The following NF1 variants were observed in gnomAD, a reference collection of about 807,000 sequenced individuals.
NF1 encodes neurofibromin 1, also known as neurofibromin.
NF1 carries 122 observed loss-of-function variants against 325.7 expected under a neutral mutation model. That is an observed-to-expected ratio of 0.37 (90% confidence interval 0.32 to 0.44). NF1 has a LOEUF of 0.44. Ranked by LOEUF, NF1 falls within the 20% of genes least tolerant of loss-of-function variation. NF1 has a pLI of 1.00. For missense variants in NF1, 2,140 were observed against 3,415.4 expected, an observed-to-expected ratio of 0.63 and a Z score of 9.31; for synonymous variants, 1,091 against 1,186.0, an observed-to-expected ratio of 0.92 and a Z score of 1.65.
chr17:31,302,999 A>G (rs945150895), intron 36 of NF1, among the ~76,000 whole-genome samples: 1 of 152,230 alleles, frequency 6.6e-6, no homozygotes, highest in Non-Finnish European at 1.5e-5. Context: ...GTCAGTAAAG[A>G]TGGCTTGAAA....
chr17:31,196,715 T>C (rs2143853792), intron 8 of NF1, among the ~76,000 whole-genome samples: 1 of 152,312 alleles, frequency 6.6e-6, no homozygotes, highest in East Asian at 1.9e-4. Flanking sequence ...AATTTTTGTA[T>C]ATGATGTAAG....
At chr17:31,154,742 T>C (rs939524463) in intron 1 of NF1, among the ~76,000 whole-genome samples, 261 of 147,366 alleles carry the variant, frequency 1.8e-3, no homozygotes, top group African/African-American at 6.1e-3. Flanking sequence ...CTTTTTTTTT[T>C]TTTTTTTTTT....
intron 4 of NF1, among the ~76,000 whole-genome samples, chr17:31,169,144 T>C (rs1422511008): frequency 1.3e-5 from 2 of 152,196 alleles, no homozygotes; most frequent in Non-Finnish European, 2.9e-5. Context: ...ATCCTCAGAT[T>C]ATCCCATTTT....
intron 1 of NF1, among the ~76,000 whole-genome samples, chr17:31,147,979 A>G (rs1027096345): frequency 3.3e-5 from 5 of 152,142 alleles, no homozygotes; most frequent in South Asian, 4.1e-4. Flanking sequence ...TTATTTCTCA[A>G]TCTGTTTTCC....
intron 4 of NF1, among the ~76,000 whole-genome samples, chr17:31,168,420 A>G (rs781580168): frequency 1.3e-5 from 2 of 152,186 alleles, no homozygotes; most frequent in Non-Finnish European, 2.9e-5. Flanking sequence ...TTTTTTCATT[A>G]TCTCAGAAAT....
At chr17:31,122,820 C>G (rs1378917217) in intron 1 of NF1, among the ~76,000 whole-genome samples, 1 of 152,130 alleles carries the variant, frequency 6.6e-6, no homozygotes, top group Non-Finnish European at 1.5e-5. Context: ...AGTGGGTCAT[C>G]TCAGTGTGAA....
At chr17:31,187,771 C>T (rs1271449586) in intron 8 of NF1, among the ~76,000 whole-genome samples, 1 of 152,158 alleles carries the variant, frequency 6.6e-6, no homozygotes, top group Non-Finnish European at 1.5e-5. Context: ...ACATTATGTT[C>T]TGCTGGCCTA....
chr17:31,329,968 G>A (rs527888093), intron 38 of NF1, among the ~76,000 whole-genome samples: 11 of 152,198 alleles, frequency 7.2e-5, no homozygotes, highest in African/African-American at 2.4e-4. Context: ...AATTTCTATT[G>A]ATCCACATTA....
At chr17:31,341,028 C>A (rs189873284) in intron 47 of NF1, among the ~76,000 whole-genome samples, 99 of 152,066 alleles carry the variant, frequency 6.5e-4, no homozygotes, top group Admixed American at 6.4e-3. Context: ...ATTTTCATAA[C>A]CTTAAGGTAA....
chr17:31,182,608 T>C lies in NF1; in HGVS notation c.831T>C (p.Cys277=), dbSNP rs2143786248. ...TACAAATCATTCTCCTTATCTTGTGTCCAGAAATAATCCAGGATATATCCA... is the reference window on the plus strand; with the variant it reads ...TACAAATCATTCTCCTTATCTTGTGCCCAGAAATAATCCAGGATATATCCA... ...WPLQIILLIL[C]PEIIQDISKD... is the part of the protein sequence containing the mutation. Residue 277 remains cysteine (C), a synonymous_variant, in exon 8 of 58, where the codon TGT becomes TGC. Transcript: ENST00000358273. 2 of 1,613,978 alleles carry C rather than the reference T, an allele frequency of 1.2e-6. No individual in the cohort carries two copies. The highest frequency in any genetic ancestry group is 1.3e-5 in the African/African-American group (1 of 75,038).
intron 1 of NF1, among the ~76,000 whole-genome samples, chr17:31,110,641 GAA>G (rs1205202570): frequency 6.6e-6 from 1 of 152,022 alleles, no homozygotes; most frequent in Non-Finnish European, 1.5e-5. Context: ...AGCAGACTCA[GAA>G]AATTGAAGTT....
At chr17:31,300,655 A>G (rs1836340954) in intron 36 of NF1, among the ~76,000 whole-genome samples, 1 of 152,116 alleles carries the variant, frequency 6.6e-6, no homozygotes, top group African/African-American at 2.4e-5. Context: ...TAAATCTTTG[A>G]AAAAGATTCC....
intron 25 of NF1, among the ~76,000 whole-genome samples, 161 bp from the exon 26 acceptor site, chr17:31,232,539 A>T (rs1390715629): frequency 2.0e-5 from 3 of 152,204 alleles, no homozygotes; most frequent in African/African-American, 7.2e-5. Context: ...AACATAGCAC[A>T]CTTCATAATA....
chr17:31,244,862 A>C (rs2067364478), intron 29 of NF1, among the ~76,000 whole-genome samples: 1 of 152,166 alleles, frequency 6.6e-6, no homozygotes, highest in Non-Finnish European at 1.5e-5. Context: ...AAGGGGGACG[A>C]TCCCTGGAGG....
chr17:31,107,988 C>G (rs1192621773), intron 1 of NF1, among the ~76,000 whole-genome samples: 2 of 151,840 alleles, frequency 1.3e-5, no homozygotes, highest in Non-Finnish European at 2.9e-5. Flanking sequence ...AAAAAAGTAG[C>G]TAGGCGTGGT....
At chr17:31,255,409 A>G (rs1170377948) in intron 31 of NF1, among the ~76,000 whole-genome samples, 1 of 152,168 alleles carries the variant, frequency 6.6e-6, no homozygotes, top group East Asian at 1.9e-4. Flanking sequence ...GATGTCAATT[A>G]GTGGTGAATG....
At chr17:31,274,741 TA>T (rs1384226031) in intron 36 of NF1, among the ~76,000 whole-genome samples, 17 of 150,016 alleles carry the variant, frequency 1.1e-4, no homozygotes, top group Middle Eastern at 3.5e-3. Context: ...GTAATAGTAA[TA>T]GTAATAGTAA....
chr17:31,095,170 C>A lies in NF1; in HGVS notation c.-140C>A, dbSNP rs1341769784. 4.1e-6 allele frequency: 3 copies of A among 726,818 alleles called. No individual in the cohort carries two copies. The highest frequency in any genetic ancestry group is 3.6e-5 in the African/African-American group (2 of 55,868). The allele number at this position is 726,818 out of a possible 1,614,324, so 45.0% of individuals were successfully genotyped here. ...CGGCGCTGACCCCCCATCCCCACCC[C>A]CGTGGGAACACTGGGAGCCTGCACT... On this transcript the variant is annotated 5_prime_UTR_variant, in exon 1 of 58. Transcript: ENST00000358273.
At position 31,340,528 on chromosome 17, in the gene NF1, C is replaced by G. The variant is rs751893971; in HGVS notation, c.6945C>G (p.Leu2315=). 1.5e-5 allele frequency: 24 copies of G among 1,614,032 alleles called. No homozygotes were observed. The highest frequency in any genetic ancestry group is 1.9e-5 in the Non-Finnish European group (23 of 1,180,014). Residue 2315 remains leucine, a synonymous_variant, in exon 47 of 58, where the codon CTC becomes CTG. Transcript: ENST00000358273. ...AGGACTCGCCTCTGCACAAAGCCCTCTTTTGGGTAGCTGTGGCTGTGCTGC... is the reference window on the plus strand; with the variant it reads ...AGGACTCGCCTCTGCACAAAGCCCTGTTTTGGGTAGCTGTGGCTGTGCTGC... ...LNKDSPLHKA[L]FWVAVAVLQL... is the part of the protein sequence containing the mutation.
Sources: allele counts gnomAD v4.1 joint callset (sites outside exome capture counted in the v4.1 genomes callset), GRCh38; gene constraint gnomAD v4.1.1; transcripts MANE v1.5; gene names NCBI Gene and HGNC (gene_info 2026-07-23, HGNC 2026-07-21).